The following NBAS variants were observed in gnomAD, a reference collection of about 807,000 sequenced individuals.
NBAS encodes NBAS subunit of NRZ tethering complex, also known as NAG/BC035112 fusion.
Under a neutral mutation model 302.5 loss-of-function variants are expected in NBAS, and 219 were observed. The ratio of observed to expected loss-of-function variants is 0.72; its 90% CI spans 0.65 to 0.81. The LOEUF is 0.81. NBAS is among the 30% of genes least tolerant of loss of function. The probability of loss-of-function intolerance (pLI) is 0.00; values close to 1 mark genes in which losing one functional copy is unlikely to be tolerated. For synonymous variants in NBAS, 1,118 were observed against 1,021.6 expected, an observed-to-expected ratio of 1.09 and a Z score of -1.80; for missense variants, 2,932 against 2,841.6, an observed-to-expected ratio of 1.03 and a Z score of -0.72.
chr2:15,396,710 G>A (rs1050581132), intron 26 of NBAS, among the ~76,000 whole-genome samples: 114 of 149,282 alleles, frequency 7.6e-4, no homozygotes, highest in Non-Finnish European at 3.9e-4. Flanking sequence ...ATTTTCTAGG[G>A]TACTTTTGGT....
chr2:14,855,013 C>T, the NBAS span, among the ~76,000 whole-genome samples: 1 of 152,092 alleles, frequency 6.6e-6, no homozygotes, highest in Non-Finnish European at 1.5e-5. Flanking sequence ...AAAGAGACCC[C>T]TTCCACCTGC....
rs11286593 is a variant in NBAS at position 15,403,908 on chromosome 2, CTTT to C, written c.2938-1610_2938-1608del. Among the ~76,000 whole-genome samples, 393 of 134,148 alleles carry C rather than the reference CTTT, an allele frequency of 2.9e-3. 1 individual carries two copies. Among genetic ancestry groups the C allele is most frequent in the Non-Finnish European group, 4.5e-3 (291 of 64,292 alleles). 88.0% of individuals were successfully genotyped at this position (134,148 alleles called of 152,430 possible). A position where few individuals can be genotyped will look rare whatever the true frequency, so the allele number is the denominator to read the frequency against. On this transcript the variant is annotated intron_variant, in intron 25 of 51. Coordinates refer to ENST00000281513, the MANE Select transcript of NBAS (RefSeq NM_015909.4). The stretch of plus-strand genomic sequence containing the variant: ...GTGTGTGTGTGTGTGTGTCTATACA[CTTT>C]TTTTTTTTTTCCAGATACAAGGTCT...
At chr2:14,994,780 C>T in the NBAS span, among the ~76,000 whole-genome samples, 4 of 152,214 alleles carry the variant, frequency 2.6e-5, no homozygotes, top group East Asian at 3.9e-4. Context: ...CTGTCTTCCT[C>T]ATTCTCTTAA....
chr2:15,000,664 G>C, the NBAS span, among the ~76,000 whole-genome samples: 1 of 152,162 alleles, frequency 6.6e-6, no homozygotes, highest in African/African-American at 2.4e-5. Context: ...TGAAGGAGCT[G>C]GTGATGAATA....
chr2:14,947,990 T>A, the NBAS span, among the ~76,000 whole-genome samples: 9 of 151,950 alleles, frequency 5.9e-5, no homozygotes, highest in Non-Finnish European at 1.3e-4. Context: ...TGGTGAGTGA[T>A]CTTTTCAATG....
chr2:15,009,331 C>T, the NBAS span, among the ~76,000 whole-genome samples: 1 of 152,130 alleles, frequency 6.6e-6, no homozygotes. Context: ...CCATCATCCT[C>T]AAGTTATTTC....
intron 22 of NBAS, among the ~76,000 whole-genome samples, 195 bp from the exon 23 acceptor site, chr2:15,424,663 T>A (rs1284242112): frequency 6.6e-6 from 1 of 152,162 alleles, no homozygotes; most frequent in African/African-American, 2.4e-5. Context: ...CGTAATTTAT[T>A]TTCCCCCCGT....
At chr2:15,049,346 C>T in the NBAS span, among the ~76,000 whole-genome samples, 1 of 152,202 alleles carries the variant, frequency 6.6e-6, no homozygotes, top group Non-Finnish European at 1.5e-5. Context: ...GCTGGGCTGC[C>T]TCCTCTCATT....
chr2:15,016,543 T>C, the NBAS span, among the ~76,000 whole-genome samples: 3 of 152,086 alleles, frequency 2.0e-5, no homozygotes, highest in South Asian at 2.1e-4. Context: ...AATGACCATA[T>C]TACCCAAAAT....
At chr2:14,978,450 A>G in the NBAS span, among the ~76,000 whole-genome samples, 1 of 152,206 alleles carries the variant, frequency 6.6e-6, no homozygotes, top group African/African-American at 2.4e-5. Flanking sequence ...AGTAGAGACT[A>G]ACTAATCTCA....
At chr2:15,458,304 C>T (rs1407992001) in intron 21 of NBAS, among the ~76,000 whole-genome samples, 2 of 152,124 alleles carry the variant, frequency 1.3e-5, no homozygotes, top group Admixed American at 6.5e-5. Flanking sequence ...TGTGATTTTG[C>T]TTTGCAGTAA....
At chr2:15,107,332 C>T in the NBAS span, among the ~76,000 whole-genome samples, 1 of 152,090 alleles carries the variant, frequency 6.6e-6, no homozygotes, top group Non-Finnish European at 1.5e-5. Context: ...GAGAACCCGA[C>T]CATGCTGGCT....
At chr2:15,486,236 C>G (rs1680622976) in intron 12 of NBAS, among the ~76,000 whole-genome samples, 1 of 152,216 alleles carries the variant, frequency 6.6e-6, no homozygotes, top group South Asian at 2.1e-4. Flanking sequence ...CCATGGTTTT[C>G]AGTTTTGTGA....
At chr2:15,173,260 T>A (rs968587181) in intron 51 of NBAS, among the ~76,000 whole-genome samples, 17 of 152,352 alleles carry the variant, frequency 1.1e-4, no homozygotes, top group African/African-American at 3.8e-4. Flanking sequence ...TGTTATCTGC[T>A]TAATTCCTCT....
At chr2:15,208,844 A>C (rs1666271148) in intron 48 of NBAS, among the ~76,000 whole-genome samples, 1 of 152,172 alleles carries the variant, frequency 6.6e-6, no homozygotes, top group Admixed American at 6.5e-5. Flanking sequence ...TACATCAAAA[A>C]AGGAAAAGAA....
chr2:14,802,894 T>G, the NBAS span, among the ~76,000 whole-genome samples: 3 of 94,766 alleles, frequency 3.2e-5, no homozygotes, highest in South Asian at 4.3e-4. Context: ...TGTGGTGGAG[T>G]GGGGGGAGGG....
chr2:15,034,018 GAA>G, the NBAS span, among the ~76,000 whole-genome samples: 4,514 of 66,372 alleles, frequency 0.068, 290 homozygotes, highest in African/African-American at 0.1. Flanking sequence ...AGAAGAAGAA[GAA>G]GAAGAAGAGG....
At chr2:14,962,251 G>A in the NBAS span, among the ~76,000 whole-genome samples, 2 of 152,174 alleles carry the variant, frequency 1.3e-5, no homozygotes, top group Non-Finnish European at 2.9e-5. Flanking sequence ...CTGGGACATG[G>A]GAGATTTGAA....
the NBAS span, among the ~76,000 whole-genome samples, chr2:14,822,508 G>A: frequency 6.6e-6 from 1 of 152,152 alleles, no homozygotes; most frequent in Admixed American, 6.5e-5. Context: ...TTGGCCTATG[G>A]CTTTTGTATA....
Sources: gnomAD v4.1 joint callset for allele counts (sites outside exome capture counted in the v4.1 genomes callset) on GRCh38, gnomAD v4.1.1 for gene constraint, MANE v1.5 for transcripts, NCBI Gene and HGNC (gene_info 2026-07-23, HGNC 2026-07-21) for gene names.